Variants in AGFG1 observed in about 807,000 individuals in gnomAD.
AGFG1 encodes the protein arf-GAP domain and FG repeat-containing protein 1.
A neutral mutation model predicts 60.6 loss-of-function variants in AGFG1; 10 were observed. The ratio of observed to expected loss-of-function variants is 0.16; its 90% CI spans 0.10 to 0.28. The LOEUF (loss-of-function observed/expected upper bound fraction) is 0.28, where lower values mean the gene tolerates loss of function less well. Among genes scored for constraint, AGFG1 ranks in the 10% least tolerant of loss-of-function variants. The pLI, the probability that AGFG1 is intolerant of heterozygous loss-of-function variation, is 1.00. For synonymous variants in AGFG1, 247 were observed against 242.9 expected, an observed-to-expected ratio of 1.02 and a Z score of -0.16; for missense variants, 537 against 676.5, an observed-to-expected ratio of 0.79 and a Z score of 2.29.
At position 227,498,810 on chromosome 2, in the gene AGFG1, T is replaced by C. The variant is rs183810936; in HGVS notation, c.261+7170T>C. On this transcript the variant is annotated intron_variant, in intron 2 of 12. Transcript: ENST00000310078. ...TTTACTTAACTTTTTTTACATTACA[T>C]ATTCCAGGTTACAGTGTATTTCTTT... 1.6e-4 allele frequency among the ~76,000 whole-genome samples: 24 copies of C among 152,358 alleles called. No individual in the cohort carries two copies. The East Asian group carries it at 4.6e-3, about 29-fold the overall frequency.
Position 227,535,087 on chromosome 2 carries a change from A to G in AGFG1, c.1205+62A>G, listed in dbSNP as rs1195569796. 2.2e-6 allele frequency: 3 copies of G among 1,380,202 alleles called. No homozygotes were observed. The African/African-American group carries it at 4.4e-5, about 20-fold the overall frequency. The allele number at this position is 1,380,202 out of a possible 1,614,324, so 85.5% of individuals were successfully genotyped here. On this transcript the variant is annotated intron_variant, in intron 8 of 12. Transcript: ENST00000310078. ...TATCTTTTTTTTCCAACTTTGAATA[A>G]TCAATTAAAAAATGACTGTTTCAAG...
At chr2:227,545,874 C>T (rs1692630355) in intron 10 of AGFG1, among the ~76,000 whole-genome samples, 1 of 152,168 alleles carries the variant, frequency 6.6e-6, no homozygotes, top group African/African-American at 2.4e-5. Context: ...AGAGGGGCAC[C>T]TGGCTGTATG....
In AGFG1 at chr2:227,484,679, TTTTTTTTTG is replaced by T. The variant is rs1559167206; in HGVS notation, c.168-6859_168-6851del. ...GCTTCTTTAATGAAGATCTCTTAGT[TTTTTTTTTG>T]TTTTTTTTTTTTTTTTTTTTTTTTT... On this transcript the variant is annotated intron_variant, in intron 1 of 12. Transcript: ENST00000310078. 5.3e-3 allele frequency among the ~76,000 whole-genome samples: 48 copies of T among 9,030 alleles called. 3 individuals are homozygous for T. Among genetic ancestry groups the T allele is most frequent in the African/African-American group, 0.013 (38 of 2,990 alleles). The allele number at this position is 9,030 out of a possible 152,430, so 5.9% of individuals were successfully genotyped here.
intron 2 of AGFG1, among the ~76,000 whole-genome samples, chr2:227,502,412 C>T (rs1184197807): frequency 6.6e-6 from 1 of 152,174 alleles, no homozygotes; most frequent in African/African-American, 2.4e-5. Flanking sequence ...CCTCCGCCTT[C>T]TGGGTTCAGT....
chr2:227,553,262 C>T (rs879281173), intron 11 of AGFG1, among the ~76,000 whole-genome samples: 3 of 152,102 alleles, frequency 2.0e-5, no homozygotes, highest in Non-Finnish European at 2.9e-5. Context: ...CTTTGGGAGG[C>T]CAAGACAGGT....
chr2:227,472,921 C>A (rs1321944345), intron 1 of AGFG1, among the ~76,000 whole-genome samples: 1 of 149,992 alleles, frequency 6.7e-6, no homozygotes, highest in East Asian at 2.0e-4. Context: ...CTGCGGCCGC[C>A]GCCCTCGCTC....
chr2:227,495,249 A>T (rs1443122682), intron 2 of AGFG1, among the ~76,000 whole-genome samples: 2 of 151,132 alleles, frequency 1.3e-5, no homozygotes, highest in Admixed American at 6.6e-5. Context: ...CAGTTACTTT[A>T]AAAAAAAACC....
rs951000602 is a variant in AGFG1, at chr2:227,557,898, A to G, written c.*3403A>G. On this transcript the variant is annotated 3_prime_UTR_variant, in exon 13 of 13. Transcript: ENST00000310078. Reference sequence around the variant, plus strand: ...TAGTTTGACTTTTCACAGCCTTTCAAAGAAAGGGTTGTAGGGACCATTAAG... The same window carrying G: ...TAGTTTGACTTTTCACAGCCTTTCAGAGAAAGGGTTGTAGGGACCATTAAG... The G allele has an allele frequency of 6.6e-6, 1 of 152,226 alleles. No individual in the cohort carries two copies. The highest frequency in any genetic ancestry group is 2.4e-5 in the African/African-American group (1 of 41,458). 9.4% of individuals were successfully genotyped at this position (152,226 alleles called of 1,614,324 possible).
chr2:227,539,917 C>A (rs1218701586), intron 10 of AGFG1, among the ~76,000 whole-genome samples: 1 of 152,110 alleles, frequency 6.6e-6, no homozygotes, highest in Non-Finnish European at 1.5e-5. Context: ...CTCACTGCAG[C>A]CTCTACCTCC....
intron 1 of AGFG1, among the ~76,000 whole-genome samples, chr2:227,489,684 C>T (rs368565342): frequency 9.2e-5 from 14 of 152,104 alleles, no homozygotes; most frequent in Admixed American, 2.0e-4. Flanking sequence ...CTTTGAAATT[C>T]GAAACAAATG....
intron 2 of AGFG1, among the ~76,000 whole-genome samples, chr2:227,512,433 A>G (rs1302436162): frequency 2.0e-5 from 3 of 152,204 alleles, no homozygotes; most frequent in Non-Finnish European, 2.9e-5. Context: ...TGGTCTAGCA[A>G]TACAGTCAAA....
chr2:227,497,165 TC>T lies in AGFG1; in HGVS notation c.261+5533del, dbSNP rs11422803. On this transcript the variant is annotated intron_variant, in intron 2 of 12. Transcript: ENST00000310078. Reference sequence around the variant, plus strand: ...TCCTTGTTTGAAATTCACCCCCTCTTCCCCCCCCACCCCACACACACAATTC... The same window carrying T: ...TCCTTGTTTGAAATTCACCCCCTCTTCCCCCCCACCCCACACACACAATTC... Among the ~76,000 whole-genome samples the T allele has an allele frequency of 5.1e-5, 7 of 137,468 alleles. No individual in the cohort carries two copies. The South Asian group carries it at 7.8e-4, about 15-fold the overall frequency. 90.2% of individuals were successfully genotyped at this position (137,468 alleles called of 152,430 possible).
intron 2 of AGFG1, among the ~76,000 whole-genome samples, chr2:227,518,185 TTTGTTTATTCAC>T (rs1264045979): frequency 6.6e-6 from 1 of 152,244 alleles, no homozygotes; most frequent in African/African-American, 2.4e-5. Context: ...TATTCTCCCA[TTTGTTTATTCAC>T]TTGTTTATGA....
chr2:227,505,417 C>T (rs1195745864), intron 2 of AGFG1, among the ~76,000 whole-genome samples: 5 of 152,238 alleles, frequency 3.3e-5, no homozygotes, highest in East Asian at 3.9e-4. Flanking sequence ...CTGCCTCATT[C>T]TCTCTCAGCT....
At chr2:227,480,555 A>G (rs767626231) in intron 1 of AGFG1, among the ~76,000 whole-genome samples, 4 of 151,426 alleles carry the variant, frequency 2.6e-5, no homozygotes, top group African/African-American at 4.9e-5. Context: ...ATGAGCTGCA[A>G]TGAACTTCCT....
At chr2:227,517,869 T>C (rs1691701218) in intron 2 of AGFG1, among the ~76,000 whole-genome samples, 1 of 152,232 alleles carries the variant, frequency 6.6e-6, no homozygotes, top group African/African-American at 2.4e-5. Context: ...TTTAAACTGA[T>C]AACGTGTACA....
At chr2:227,495,615 T>C (rs1179178640) in intron 2 of AGFG1, among the ~76,000 whole-genome samples, 3 of 151,908 alleles carry the variant, frequency 2.0e-5, no homozygotes, top group Admixed American at 6.6e-5. Flanking sequence ...GGGCAAATTA[T>C]GGTTTTCTAG....
intron 10 of AGFG1, among the ~76,000 whole-genome samples, chr2:227,544,846 T>C (rs1692597154): frequency 6.6e-6 from 1 of 152,210 alleles, no homozygotes; most frequent in African/African-American, 2.4e-5. Context: ...CTAATGGGCT[T>C]CCTTTTGTGG....
At chr2:227,487,154 T>C (rs1012166704) in intron 1 of AGFG1, among the ~76,000 whole-genome samples, 1 of 152,212 alleles carries the variant, frequency 6.6e-6, no homozygotes, top group Admixed American at 6.5e-5. Flanking sequence ...TTCTAATTCT[T>C]CAGCATAGAC....
Sources: allele counts gnomAD v4.1 joint callset (sites outside exome capture counted in the v4.1 genomes callset), GRCh38; gene constraint gnomAD v4.1.1; transcripts MANE v1.5; gene names NCBI Gene and HGNC (gene_info 2026-07-23, HGNC 2026-07-21).